Variants in SSH2 observed in about 807,000 individuals in gnomAD.
SSH2 encodes slingshot protein phosphatase 2, also known as protein phosphatase Slingshot homolog 2.
In SSH2, 37 loss-of-function variants were observed where a neutral mutation model predicts 135.2. The observed-to-expected ratio is 0.27, with a 90% confidence interval of 0.21 to 0.36. The LOEUF is 0.36. Ranked by LOEUF, SSH2 falls within the 10% of genes least tolerant of loss-of-function variation. The probability of loss-of-function intolerance (pLI) is 1.00; values close to 1 mark genes in which losing one functional copy is unlikely to be tolerated. For synonymous variants in SSH2, 628 were observed against 646.2 expected (o/e 0.97, Z 0.43); for missense variants, 1,408 against 1,765.3 (o/e 0.80, Z 3.63).
At chr17:29,694,789 C>A (rs1254216691) in intron 5 of SSH2, among the ~76,000 whole-genome samples, 2 of 152,174 alleles carry the variant, frequency 1.3e-5, no homozygotes, top group Non-Finnish European at 2.9e-5. Flanking sequence ...GGCCTATACA[C>A]TGCCAGTTTG....
chr17:29,800,693 T>C (rs2042235402), intron 2 of SSH2, among the ~76,000 whole-genome samples: 1 of 151,796 alleles, frequency 6.6e-6, no homozygotes, highest in Non-Finnish European at 1.5e-5. Context: ...AATAATTAAA[T>C]GACTAAATAT....
At chr17:29,918,357 C>T (rs533800596) in intron 1 of SSH2, among the ~76,000 whole-genome samples, 1 of 152,262 alleles carries the variant, frequency 6.6e-6, no homozygotes, top group South Asian at 2.1e-4. Flanking sequence ...TCAGTTTCTT[C>T]ATCTGTAAAT....
At position 29,631,111 on chromosome 17, in the gene SSH2, C is replaced by G; in HGVS notation, c.4083G>C (p.Val1361=). 6.2e-7 allele frequency: 1 copy of G among 1,614,192 alleles called. No individual in the cohort carries two copies. Among genetic ancestry groups the G allele is most frequent in the South Asian group, 1.1e-5 (1 of 91,090 alleles). The change falls in exon 16 of 16, where the codon GTG becomes GTC. Residue 1361 remains valine, a synonymous_variant. Coordinates refer to ENST00000540801, the MANE Select transcript of SSH2 (RefSeq NM_001282129.2). ...GGGGCCTCTCCACTGGCTTGCTCTGCACAATACACTCTGTTGTTGTGAGTT... is the reference window on the plus strand; with the variant it reads ...GGGGCCTCTCCACTGGCTTGCTCTGGACAATACACTCTGTTGTTGTGAGTT... ...VEQLTTTECI[V]QSKPVERPLV... is the part of the protein sequence containing the mutation.
chr17:29,829,068 T>C (rs1281177123), intron 2 of SSH2, among the ~76,000 whole-genome samples: 4 of 152,172 alleles, frequency 2.6e-5, no homozygotes, highest in African/African-American at 9.7e-5. Context: ...ATGTGACCCA[T>C]GAATGGAGTG....
chr17:29,703,661 C>G (rs1007086934), intron 3 of SSH2, among the ~76,000 whole-genome samples: 1 of 152,046 alleles, frequency 6.6e-6, no homozygotes, highest in African/African-American at 2.4e-5. Flanking sequence ...CTGCAACAAC[C>G]TCCGCCTCCC....
At position 29,761,885 on chromosome 17, in the gene SSH2, A is replaced by ATTT. The variant is rs199771095; in HGVS notation, c.188+32008_188+32009insAAA. Reference sequence around the variant, plus strand: ...TGTGTGTGTGTGTATATATATATATATATTTTTTTTTGAGATGGAGTTTCT... The same window carrying ATTT: ...TGTGTGTGTGTGTATATATATATATATTTTATTTTTTTTTGAGATGGAGTTTCT... On this transcript the variant is annotated intron_variant, in intron 3 of 15. Coordinates refer to ENST00000540801, the MANE Select transcript of SSH2 (RefSeq NM_001282129.2). Among the ~76,000 whole-genome samples the ATTT allele has an allele frequency of 6.4e-3, 899 of 139,442 alleles. 18 individuals carry two copies. The highest frequency in any genetic ancestry group is 0.023 in the African/African-American group (810 of 35,782). The allele number at this position is 139,442 out of a possible 152,430, so 91.5% of individuals were successfully genotyped here.
At chr17:29,729,257 A>G (rs74929921) in intron 3 of SSH2, among the ~76,000 whole-genome samples, 9,297 of 152,318 alleles carry the variant, frequency 0.061, 551 homozygotes, top group African/African-American at 0.16. Flanking sequence ...TCAAAAGATG[A>G]CATTGAAATG....
At chr17:29,716,984 T>C (rs1185573300) in intron 3 of SSH2, among the ~76,000 whole-genome samples, 2 of 152,180 alleles carry the variant, frequency 1.3e-5, no homozygotes, top group Admixed American at 1.3e-4. Flanking sequence ...TTGACTACCC[T>C]GCCCCTGCTC....
chr17:29,770,092 G>GTTTTTTTGTTTTTTTTTTTTTTTTTT (rs1567963018), intron 3 of SSH2, among the ~76,000 whole-genome samples: 1 of 72,924 alleles, frequency 1.4e-5, no homozygotes, highest in African/African-American at 4.7e-5. Context: ...GCTATATTTA[G>GTTTTTTTGTTTTTTTTTTTTTTTTTT]TTTTTTTTTT....
intron 3 of SSH2, among the ~76,000 whole-genome samples, chr17:29,741,934 CTTTTTTTTTTTTTTT>C (rs71138848): frequency 1.0e-5 from 1 of 97,910 alleles, no homozygotes; most frequent in Non-Finnish European, 2.0e-5. Flanking sequence ...ATTTTTTTTT[CTTTTTTTTTTTTTTT>C]TTTTTGATGG....
intron 4 of SSH2, among the ~76,000 whole-genome samples, chr17:29,696,648 C>CA (rs2038765429): frequency 6.9e-6 from 1 of 144,592 alleles, no homozygotes; most frequent in African/African-American, 2.6e-5. Context: ...CACACACACA[C>CA]CTATGTATGT....
intron 4 of SSH2, among the ~76,000 whole-genome samples, chr17:29,698,511 G>C (rs1191167363): frequency 6.6e-6 from 1 of 151,892 alleles, no homozygotes; most frequent in African/African-American, 2.4e-5. Context: ...CTTGAGACAG[G>C]GTCTTACTCT....
At chr17:29,839,299 C>T (rs1177888042) in intron 2 of SSH2, among the ~76,000 whole-genome samples, 5 of 152,280 alleles carry the variant, frequency 3.3e-5, no homozygotes, top group African/African-American at 7.2e-5. Context: ...GGATCCAGGC[C>T]GGTAATGTGT....
intron 3 of SSH2, among the ~76,000 whole-genome samples, chr17:29,741,285 A>T (rs1019579167): frequency 6.6e-6 from 1 of 152,200 alleles, no homozygotes; most frequent in South Asian, 2.1e-4. Context: ...GCAAACCAGC[A>T]ATCTGTATCA....
intron 4 of SSH2, among the ~76,000 whole-genome samples, chr17:29,698,548 C>T (rs2038855838): frequency 6.6e-6 from 1 of 151,984 alleles, no homozygotes; most frequent in Non-Finnish European, 1.5e-5. Flanking sequence ...TACAGTGGCG[C>T]TATCACAGCT....
chr17:29,685,210 T>TC, intron 5 of SSH2, among the ~76,000 whole-genome samples: 1 of 152,326 alleles, frequency 6.6e-6, no homozygotes, highest in South Asian at 2.1e-4. Flanking sequence ...TGAAAGGAGA[T>TC]TGCATTTTTA....
chr17:29,641,478 C>A (rs1303169307), intron 14 of SSH2: 1 of 152,074 alleles, frequency 6.6e-6, no homozygotes, highest in East Asian at 1.9e-4. Context: ...ATCCTTTTCC[C>A]CCTTGAGTGG....
At position 29,697,857 on chromosome 17, in the gene SSH2, T is replaced by C. The variant is rs2038820546; in HGVS notation, c.293-2334A>G. Among the ~76,000 whole-genome samples, 3 of 152,048 alleles carry C rather than the reference T, an allele frequency of 2.0e-5. No individual in the cohort carries two copies. In the South Asian group the frequency reaches 6.2e-4, roughly 32 times the overall value. On this transcript the variant is annotated intron_variant, in intron 4 of 15. Coordinates refer to ENST00000540801, the MANE Select transcript of SSH2 (RefSeq NM_001282129.2). ...CTCATATGCACAAACCCAAGAGAAATCAAAACGTATGTCCACCCAAAAAGT... is the reference window on the plus strand; with the variant it reads ...CTCATATGCACAAACCCAAGAGAAACCAAAACGTATGTCCACCCAAAAAGT...
chr17:29,707,792 C>A (rs1414999083), intron 3 of SSH2, among the ~76,000 whole-genome samples: 1 of 152,114 alleles, frequency 6.6e-6, no homozygotes, highest in African/African-American at 2.4e-5. Context: ...TCCCAAAGTG[C>A]TGGGATTACA....
Sources: allele counts gnomAD v4.1 joint callset (sites outside exome capture counted in the v4.1 genomes callset), GRCh38; gene constraint gnomAD v4.1.1; transcripts MANE v1.5; gene names NCBI Gene and HGNC (gene_info 2026-07-23, HGNC 2026-07-21).